The following FGGY variants were observed in gnomAD, a reference collection of about 807,000 sequenced individuals.
The protein encoded by FGGY is FGGY carbohydrate kinase domain-containing protein.
A neutral mutation model predicts 71.3 loss-of-function variants in FGGY; 72 were observed. The ratio of observed to expected loss-of-function variants is 1.01; its 90% CI spans 0.84 to 1.23. FGGY has a LOEUF of 1.23. Among genes scored for constraint, FGGY ranks in the 50% most tolerant of loss-of-function variants. The pLI is 0.00. For missense variants in FGGY, 668 were observed against 682.3 expected (o/e 0.98, Z 0.23); for synonymous variants, 251 against 250.3 (o/e 1.00, Z -0.02).
At chr1:59,311,631 C>T (rs2044353263) in intron 1 of FGGY, among the ~76,000 whole-genome samples, 1 of 152,122 alleles carries the variant, frequency 6.6e-6, no homozygotes, top group Admixed American at 6.5e-5. Flanking sequence ...TTTTCTTTAT[C>T]CAGTCTATCA....
At chr1:59,573,883 T>G (rs2096032161) in intron 8 of FGGY, among the ~76,000 whole-genome samples, 1 of 152,198 alleles carries the variant, frequency 6.6e-6, no homozygotes, top group Non-Finnish European at 1.5e-5. Context: ...GAGTTAAAAA[T>G]TTAACACTCA....
rs1314603449 is a variant in FGGY at position 59,468,617 on chromosome 1, A to G, written c.670+11541A>G. Among the ~76,000 whole-genome samples the G allele has an allele frequency of 3.3e-5, 5 of 152,176 alleles. No homozygotes were observed. The East Asian group carries it at 7.7e-4, about 23-fold the overall frequency. ...GCTGGGCGTGGTGGCTCACACCTGTAATCCCAGCACTTTGGGAGGCCGAGG... is the reference window on the plus strand; with the variant it reads ...GCTGGGCGTGGTGGCTCACACCTGTGATCCCAGCACTTTGGGAGGCCGAGG... On this transcript the variant is annotated intron_variant, in intron 6 of 15. Transcript: ENST00000303721.
At chr1:59,622,836 TG>T (rs1403282465) in intron 9 of FGGY, among the ~76,000 whole-genome samples, 1 of 152,226 alleles carries the variant, frequency 6.6e-6, no homozygotes, top group Admixed American at 6.5e-5. Context: ...CACAAAGTAC[TG>T]TTTTTTCCTT....
At chr1:59,714,475 C>G (rs2097827106) in intron 14 of FGGY, among the ~76,000 whole-genome samples, 2 of 152,156 alleles carry the variant, frequency 1.3e-5, no homozygotes. Context: ...GAAAATATGT[C>G]AACACAATGG....
chr1:59,326,722 G>A (rs71646034), intron 2 of FGGY, among the ~76,000 whole-genome samples: 16,815 of 148,856 alleles, frequency 0.11, 960 homozygotes, highest in Middle Eastern at 0.13. Flanking sequence ...CATTTGAAGT[G>A]TTTTTTTTTT....
intron 14 of FGGY, among the ~76,000 whole-genome samples, chr1:59,702,279 G>A (rs1232124331): frequency 6.6e-6 from 1 of 152,076 alleles, no homozygotes. Flanking sequence ...AAAGCCAAAA[G>A]GCATTTTTAT....
intron 8 of FGGY, among the ~76,000 whole-genome samples, chr1:59,566,158 G>A (rs1362013943): frequency 2.0e-5 from 3 of 152,090 alleles, no homozygotes; most frequent in Non-Finnish European, 4.4e-5. Flanking sequence ...GTAACCCTCA[G>A]TAAGAGGAGA....
At chr1:59,531,855 A>G (rs1390633760) in intron 7 of FGGY, among the ~76,000 whole-genome samples, 1 of 152,220 alleles carries the variant, frequency 6.6e-6, no homozygotes, top group African/African-American at 2.4e-5. Flanking sequence ...TTAAATTAAC[A>G]TCTGATTAAA....
intron 11 of FGGY, among the ~76,000 whole-genome samples, chr1:59,652,514 T>C (rs1233062337): frequency 6.2e-5 from 9 of 144,572 alleles, no homozygotes; most frequent in African/African-American, 8.0e-5. Flanking sequence ...CATCTTCCAT[T>C]GCTGATACCC....
In FGGY at chr1:59,520,622, A is replaced by C. The variant is rs146659925; in HGVS notation, c.799+8183A>C. On this transcript the variant is annotated intron_variant, in intron 7 of 15. Transcript: ENST00000303721. ...CATGAAATCCACATAGCTGGTCTTC[A>C]CTAAATCAATGTAATTATTTAATTA... Among the ~76,000 whole-genome samples the C allele has an allele frequency of 3.2e-4, 49 of 152,344 alleles. 1 individual carries two copies. Among genetic ancestry groups the C allele is most frequent in the African/African-American group, 1.2e-3 (48 of 41,580 alleles).
intron 6 of FGGY, among the ~76,000 whole-genome samples, chr1:59,470,061 C>T (rs1411026507): frequency 1.3e-5 from 2 of 152,140 alleles, no homozygotes; most frequent in African/African-American, 4.8e-5. Context: ...AGTGAACATA[C>T]ATGTACATGT....
At chr1:59,513,768 G>T (rs1191040831) in intron 7 of FGGY, among the ~76,000 whole-genome samples, 9 of 152,132 alleles carry the variant, frequency 5.9e-5, no homozygotes, top group Non-Finnish European at 1.2e-4. Flanking sequence ...TCACATTAAG[G>T]CAAGAATAAG....
intron 14 of FGGY, among the ~76,000 whole-genome samples, chr1:59,719,465 G>T (rs1302956426): frequency 2.6e-5 from 4 of 152,098 alleles, no homozygotes; most frequent in Non-Finnish European, 2.9e-5. Context: ...GTAATCATGA[G>T]AATTCTGTGA....
intron 11 of FGGY, among the ~76,000 whole-genome samples, chr1:59,649,983 G>C (rs2097140552): frequency 6.8e-6 from 1 of 147,694 alleles, no homozygotes; most frequent in Non-Finnish European, 1.5e-5. Context: ...TTTGTCAAAG[G>C]CTTTTTCTGC....
intron 11 of FGGY, among the ~76,000 whole-genome samples, chr1:59,655,444 C>G (rs977332274): frequency 6.6e-6 from 1 of 151,154 alleles, no homozygotes; most frequent in Non-Finnish European, 1.5e-5. Flanking sequence ...CACCCCACCA[C>G]AGGCCCCAGT....
intron 6 of FGGY, among the ~76,000 whole-genome samples, chr1:59,490,568 T>TAAAAA (rs1285363179): frequency 6.6e-6 from 1 of 152,174 alleles, no homozygotes; most frequent in African/African-American, 2.4e-5. Context: ...CTGTGCTTTT[T>TAAAAA]AGATCTTATT....
intron 7 of FGGY, among the ~76,000 whole-genome samples, chr1:59,529,751 G>A (rs1010135703): frequency 1.3e-5 from 2 of 152,304 alleles, no homozygotes; most frequent in South Asian, 2.1e-4. Context: ...TTCATTTTAA[G>A]CATGGCTTTA....
chr1:59,339,265 C>T (rs1436264738), intron 2 of FGGY, among the ~76,000 whole-genome samples: 1 of 152,010 alleles, frequency 6.6e-6, no homozygotes, highest in Admixed American at 6.6e-5. Context: ...TGATCACAAG[C>T]ATTTCAGGTA....
intron 14 of FGGY, among the ~76,000 whole-genome samples, chr1:59,682,009 G>A (rs975241702): frequency 2.0e-5 from 3 of 152,096 alleles, no homozygotes; most frequent in African/African-American, 7.2e-5. Flanking sequence ...AAACTAGCGT[G>A]GGATCAGAAT....
Sources: allele counts gnomAD v4.1 joint callset (sites outside exome capture counted in the v4.1 genomes callset), GRCh38; gene constraint gnomAD v4.1.1; transcripts MANE v1.5; gene names NCBI Gene and HGNC (gene_info 2026-07-23, HGNC 2026-07-21).